The following RPS6KA2 variants were observed in gnomAD, a reference collection of about 807,000 sequenced individuals.
RPS6KA2 encodes ribosomal protein S6 kinase A2.
A neutral mutation model predicts 91.8 loss-of-function variants in RPS6KA2; 42 were observed. The observed-to-expected ratio is 0.46, with a 90% CI of 0.36 to 0.59. RPS6KA2 has a LOEUF of 0.59. Ranked by LOEUF, RPS6KA2 falls within the 20% of genes least tolerant of loss-of-function variation. RPS6KA2 has a pLI of 0.00. For missense variants in RPS6KA2, 798 were observed against 978.5 expected (o/e 0.82, Z 2.46); for synonymous variants, 414 against 393.6 (o/e 1.05, Z -0.61).
In RPS6KA2 at chr6:166,536,640, C is replaced by T. The variant is rs550215037; in HGVS notation, c.216+2028G>A. On this transcript the variant is annotated intron_variant, in intron 2 of 20. Transcript: ENST00000265678. ...CGAAGCGGACCTAAGCCTCCCTTCC[C>T]ACGCCAGCCCCAGCCTGGACCTCCT... Among the ~76,000 whole-genome samples, 38 of 152,302 alleles carry T rather than the reference C, an allele frequency of 2.5e-4. No homozygotes were observed. The South Asian group carries it at 7.3e-3, about 29-fold the overall frequency.
At chr6:166,695,329 C>A (rs545345305) in intron 2 of RPS6KA2, among the ~76,000 whole-genome samples, 2 of 152,134 alleles carry the variant, frequency 1.3e-5, no homozygotes, top group South Asian at 2.1e-4. Flanking sequence ...AACAGAACAA[C>A]CCCCAGGAGC....
At chr6:166,442,089 TC>T (rs1212149516) in intron 14 of RPS6KA2, among the ~76,000 whole-genome samples, 1 of 152,186 alleles carries the variant, frequency 6.6e-6, no homozygotes, top group East Asian at 1.9e-4. Context: ...TACATAGAGC[TC>T]CACTTGCACC....
intron 1 of RPS6KA2, among the ~76,000 whole-genome samples, chr6:166,624,981 G>A (rs951412763): frequency 6.6e-6 from 1 of 151,992 alleles, no homozygotes; most frequent in African/African-American, 2.4e-5. Context: ...TTACAGGCAC[G>A]CGCCACCATG....
intron 2 of RPS6KA2, among the ~76,000 whole-genome samples, chr6:166,842,784 G>C (rs1282833176): frequency 6.6e-6 from 1 of 152,202 alleles, no homozygotes; most frequent in Non-Finnish European, 1.5e-5. Flanking sequence ...TAGGAGGCAG[G>C]ACTGGCTTGC....
At chr6:166,811,056 G>T (rs1779628171) in intron 2 of RPS6KA2, among the ~76,000 whole-genome samples, 1 of 152,184 alleles carries the variant, frequency 6.6e-6, no homozygotes, top group Non-Finnish European at 1.5e-5. Flanking sequence ...TAAGGACCAA[G>T]AATACGATGA....
At chr6:166,756,429 A>G (rs1397756199) in intron 2 of RPS6KA2, among the ~76,000 whole-genome samples, 1 of 152,240 alleles carries the variant, frequency 6.6e-6, no homozygotes, top group Non-Finnish European at 1.5e-5. Context: ...GAATTACATG[A>G]GTTACACTTA....
rs58796308 is a variant in RPS6KA2, at chr6:166,550,994, C to CAAAAAAAAAAA, written c.100-12221_100-12211dup. Among the ~76,000 whole-genome samples the CAAAAAAAAAAA allele has an allele frequency of 5.3e-3, 567 of 106,106 alleles. 9 individuals carry two copies. The highest frequency in any genetic ancestry group is 0.016 in the East Asian group (50 of 3,100). The allele number at this position is 106,106 out of a possible 152,430, so 69.6% of individuals were successfully genotyped here. A position where few individuals can be genotyped will look rare whatever the true frequency, so the allele number is the denominator to read the frequency against. On this transcript the variant is annotated intron_variant, in intron 1 of 20. Transcript: ENST00000265678. ...CTGGCAACAGAGCCGGACTCTATCTCAAAAAAAAAAAAAAAAAGAACGTGA... is the reference window on the plus strand; with the variant it reads ...CTGGCAACAGAGCCGGACTCTATCTCAAAAAAAAAAAAAAAAAAAAAAAAAAAAGAACGTGA...
intron 1 of RPS6KA2, among the ~76,000 whole-genome samples, chr6:166,558,183 C>T (rs2128504299): frequency 6.6e-6 from 1 of 152,026 alleles, no homozygotes; most frequent in Middle Eastern, 3.4e-3. Context: ...TGAATCAGCC[C>T]CCACACATAT....
rs528981489 is a variant in RPS6KA2 at position 166,660,002 on chromosome 6, C to G, written c.124-121218G>C. ...GAACTCCAGAGTTCAAGTAATCCTC[C>G]CAGCTCAGCCTCCCAGCGTGTTGTG... On this transcript the variant is annotated intron_variant, in intron 2 of 21. Transcript: ENST00000503859. Among the ~76,000 whole-genome samples, 3 of 152,224 alleles carry G rather than the reference C, an allele frequency of 2.0e-5. No individual in the cohort carries two copies. In the East Asian group the frequency reaches 5.8e-4, roughly 29 times the overall value.
At chr6:166,839,680 CAGGAG>C (rs1780409749) in intron 2 of RPS6KA2, among the ~76,000 whole-genome samples, 1 of 704 alleles carries the variant, frequency 1.4e-3, no homozygotes, top group African/African-American at 4.5e-3. Context: ...GAAATCAGAG[CAGGAG>C]AGGAGAGGGG....
Position 166,434,995 on chromosome 6 carries a change from G to A in RPS6KA2, c.1333-2505C>T, listed in dbSNP as rs116769644. Among the ~76,000 whole-genome samples the A allele has an allele frequency of 2.1e-3, 327 of 152,108 alleles. 1 individual carries two copies. The highest frequency in any genetic ancestry group is 7.5e-3 in the African/African-American group (313 of 41,490). ...GTGCCTGGGGGCCCATGGGTGGGAG[G>A]GAAACTTTGCTGTATCCACATGAAT... On this transcript the variant is annotated intron_variant, in intron 14 of 20. Transcript: ENST00000265678. This position sits in a 1 kb window ranked among gnomAD's most constrained non-coding sequence, Gnocchi z 4.4.
At chr6:166,597,303 C>G (rs937326960) in intron 1 of RPS6KA2, among the ~76,000 whole-genome samples, 5 of 152,170 alleles carry the variant, frequency 3.3e-5, no homozygotes, top group African/African-American at 1.2e-4. Flanking sequence ...GAATGGGACT[C>G]AACAGGTGGA....
At chr6:166,858,277 T>C in intron 1 of RPS6KA2, 3 of 1,462,906 alleles carry the variant, frequency 2.1e-6, no homozygotes, top group Non-Finnish European at 2.9e-6. Flanking sequence ...CAAAGATAGA[T>C]GTTAAAGATG....
intron 19 of RPS6KA2, among the ~76,000 whole-genome samples, chr6:166,416,092 C>CATCA (rs1166264224): frequency 6.6e-6 from 1 of 152,100 alleles, no homozygotes; most frequent in African/African-American, 2.4e-5. Flanking sequence ...ATCCTTCCTC[C>CATCA]ATCACCTCCA....
At chr6:166,809,153 A>C (rs527676239) in intron 2 of RPS6KA2, among the ~76,000 whole-genome samples, 1 of 152,296 alleles carries the variant, frequency 6.6e-6, no homozygotes, top group African/African-American at 2.4e-5. Flanking sequence ...AAACTGGATT[A>C]CTACATGAAG....
chr6:166,682,050 A>T (rs1788834136), intron 2 of RPS6KA2, among the ~76,000 whole-genome samples: 1 of 152,160 alleles, frequency 6.6e-6, no homozygotes, highest in Non-Finnish European at 1.5e-5. Context: ...AATCTGGTTC[A>T]TTCGTAAGTA....
intron 2 of RPS6KA2, chr6:166,701,242 T>C: frequency 1.2e-6 from 2 of 1,612,242 alleles, no homozygotes; most frequent in Admixed American, 3.3e-5. Context: ...TTGGTCATTC[T>C]CATCAGGTGT....
At chr6:166,548,470 G>A (rs1014537104) in intron 1 of RPS6KA2, among the ~76,000 whole-genome samples, 2 of 152,272 alleles carry the variant, frequency 1.3e-5, no homozygotes, top group East Asian at 3.9e-4. Flanking sequence ...TAATCAAGAT[G>A]GTGTGCTATT....
intron 2 of RPS6KA2, among the ~76,000 whole-genome samples, chr6:166,705,646 G>A (rs1185455599): frequency 6.6e-6 from 1 of 152,130 alleles, no homozygotes; most frequent in African/African-American, 2.4e-5. Flanking sequence ...TAAATTAGTG[G>A]TATAAGATTT....
Sources: allele counts gnomAD v4.1 joint callset (sites outside exome capture counted in the v4.1 genomes callset), GRCh38; gene constraint gnomAD v4.1.1; non-coding constraint Gnocchi (gnomAD v3.1); transcripts MANE v1.5; gene names NCBI Gene and HGNC (gene_info 2026-07-23, HGNC 2026-07-21).